Variants in CEP63 observed in about 807,000 individuals in gnomAD.
CEP63 encodes the protein centrosomal protein 63, also known as centrosomal protein of 63 kDa.
CEP63 carries 84 observed loss-of-function variants against 89.1 expected under a neutral mutation model. The ratio of observed to expected loss-of-function variants is 0.94; its 90% CI spans 0.79 to 1.13. The LOEUF (loss-of-function observed/expected upper bound fraction) is 1.13, where lower values mean the gene tolerates loss of function less well. Ranked by LOEUF, CEP63 falls within the 50% of genes most tolerant of loss-of-function variation. CEP63 has a pLI of 0.00. For missense variants in CEP63, 838 were observed against 813.3 expected, an observed-to-expected ratio of 1.03 and a Z score of -0.37; for synonymous variants, 267 against 272.5, an observed-to-expected ratio of 0.98 and a Z score of 0.20.
chr3:134,509,527 T>G (rs1467730772), intron 3 of CEP63, among the ~76,000 whole-genome samples: 1 of 152,146 alleles, frequency 6.6e-6, no homozygotes, highest in Non-Finnish European at 1.5e-5. Flanking sequence ...CCAAACCTAT[T>G]AAGTAATGAT....
At chr3:134,488,901 T>C (rs1936652365) in intron 1 of CEP63, among the ~76,000 whole-genome samples, 1 of 152,122 alleles carries the variant, frequency 6.6e-6, no homozygotes, top group South Asian at 2.1e-4. Context: ...CTCACGCCTG[T>C]AATCCCAGCA....
chr3:134,636,318 G>A, the CEP63 span, among the ~76,000 whole-genome samples: 1 of 152,224 alleles, frequency 6.6e-6, no homozygotes, highest in Non-Finnish European at 1.5e-5. Context: ...TGGTCACAAA[G>A]TGCAATTCCT....
At chr3:134,550,952 A>G (rs186782226) in intron 11 of CEP63, among the ~76,000 whole-genome samples, 1 of 152,280 alleles carries the variant, frequency 6.6e-6, no homozygotes, top group East Asian at 1.9e-4. Context: ...ATTGTATTTG[A>G]TTGGCAGGGA....
At chr3:134,752,539 T>C in the CEP63 span, among the ~76,000 whole-genome samples, 1 of 152,048 alleles carries the variant, frequency 6.6e-6, no homozygotes, top group African/African-American at 2.4e-5. Context: ...CTGCAGGAAA[T>C]TACCAATGGG....
intron 3 of CEP63, among the ~76,000 whole-genome samples, chr3:134,514,629 A>C (rs2108607015): frequency 6.6e-6 from 1 of 152,368 alleles, no homozygotes; most frequent in Middle Eastern, 3.4e-3. Context: ...GCCAGAAAAC[A>C]ATAAAATGTC....
the CEP63 span, chr3:134,620,914 C>T: frequency 1.1e-5 from 12 of 1,062,488 alleles, no homozygotes; most frequent in South Asian, 1.5e-4. Flanking sequence ...TGTTGGGGGC[C>T]CAGCATCTTG....
chr3:134,570,105 T>A (rs1957954359), intron 11 of CEP63, among the ~76,000 whole-genome samples: 1 of 152,204 alleles, frequency 6.6e-6, no homozygotes, highest in African/African-American at 2.4e-5. Context: ...AAACCATTTT[T>A]TCTTCCTAGG....
the CEP63 span, among the ~76,000 whole-genome samples, chr3:134,692,116 A>C: frequency 6.6e-6 from 1 of 151,946 alleles, no homozygotes; most frequent in Admixed American, 6.6e-5. Flanking sequence ...TAATTAATTA[A>C]TTTTTTATTA....
chr3:134,583,949 A>G (rs1336003932), intron 10 of CEP63, among the ~76,000 whole-genome samples: 1 of 152,098 alleles, frequency 6.6e-6, no homozygotes, highest in Non-Finnish European at 1.5e-5. Context: ...GCAATTGTGA[A>G]TGGGAGTTCA....
At chr3:134,630,094 G>A in the CEP63 span, among the ~76,000 whole-genome samples, 1 of 152,196 alleles carries the variant, frequency 6.6e-6, no homozygotes, top group African/African-American at 2.4e-5. Flanking sequence ...GGACTTAAAG[G>A]CATTCCCAAA....
At chr3:134,726,296 G>T in the CEP63 span, among the ~76,000 whole-genome samples, 1 of 152,048 alleles carries the variant, frequency 6.6e-6, no homozygotes, top group East Asian at 1.9e-4. Context: ...CTTTCTGGGC[G>T]CCACCAGGCC....
At chr3:134,707,238 C>T in the CEP63 span, among the ~76,000 whole-genome samples, 19 of 152,312 alleles carry the variant, frequency 1.2e-4, no homozygotes, top group African/African-American at 4.6e-4. Context: ...GAGACACATA[C>T]ATATGCAACT....
chr3:134,736,180 T>C, the CEP63 span, among the ~76,000 whole-genome samples: 38 of 152,208 alleles, frequency 2.5e-4, no homozygotes, highest in African/African-American at 8.7e-4. Context: ...ATGCGTATAT[T>C]AAAAAATCCT....
intron 3 of CEP63, among the ~76,000 whole-genome samples, chr3:134,525,980 C>T (rs924655736): frequency 7.2e-5 from 11 of 152,144 alleles, no homozygotes; most frequent in East Asian, 1.9e-4. Flanking sequence ...TTTGGCCTCT[C>T]TAGCTAGGTT....
At chr3:134,717,717 C>T in the CEP63 span, among the ~76,000 whole-genome samples, 152,330 of 152,364 alleles carry the variant, frequency 1, 76,148 homozygotes, top group Non-Finnish European at 1. Flanking sequence ...TTCTTTATGA[C>T]AAAAGGCATT....
At chr3:134,496,854 G>A (rs1308701614) in intron 2 of CEP63, among the ~76,000 whole-genome samples, 1 of 152,170 alleles carries the variant, frequency 6.6e-6, no homozygotes, top group African/African-American at 2.4e-5. Context: ...ACTCCATTTA[G>A]TTTTCCATAA....
chr3:134,721,667 G>T, the CEP63 span, among the ~76,000 whole-genome samples: 2 of 151,992 alleles, frequency 1.3e-5, no homozygotes, highest in African/African-American at 4.8e-5. Context: ...TTTGTTGAGT[G>T]CTTTCATTAT....
intron 3 of CEP63, 94 bp from the exon 4 acceptor site, chr3:134,531,751 A>G (rs1262212325): frequency 6.2e-6 from 6 of 961,592 alleles, no homozygotes; most frequent in Admixed American, 1.8e-5. Flanking sequence ...ACTTGAATTT[A>G]CAAATAAATA....
the CEP63 span, chr3:134,619,289 T>C: frequency 6.4e-7 from 1 of 1,570,740 alleles, no homozygotes; most frequent in Non-Finnish European, 8.8e-7. Context: ...GAGGGGATCA[T>C]GAAGAGCTTG....
Sources: allele counts gnomAD v4.1 joint callset (sites outside exome capture counted in the v4.1 genomes callset), GRCh38; gene constraint gnomAD v4.1.1; transcripts MANE v1.5; gene names NCBI Gene and HGNC (gene_info 2026-07-23, HGNC 2026-07-21).